Variants in SNCAIP observed in about 807,000 individuals in gnomAD.
SNCAIP encodes the protein synphilin-1.
A neutral mutation model predicts 86.7 loss-of-function variants in SNCAIP; 43 were observed. The observed-to-expected ratio is 0.50, with a 90% confidence interval of 0.39 to 0.64. The LOEUF (loss-of-function observed/expected upper bound fraction) is 0.64. Among genes scored for constraint, SNCAIP ranks in the 30% least tolerant of loss-of-function variants. The pLI is 0.00. For missense variants in SNCAIP, 981 were observed against 1,103.1 expected, an observed-to-expected ratio of 0.89 and a Z score of 1.57; for synonymous variants, 417 against 427.2, an observed-to-expected ratio of 0.98 and a Z score of 0.29.
intron 3 of SNCAIP, among the ~76,000 whole-genome samples, chr5:122,416,803 C>T (rs200345193): frequency 6.6e-6 from 1 of 152,120 alleles, no homozygotes; most frequent in East Asian, 1.9e-4. Flanking sequence ...TCATAATGCC[C>T]CTCCTTTTGC....
At chr5:122,432,448 C>T (rs907526091) in intron 6 of SNCAIP, among the ~76,000 whole-genome samples, 14 of 152,182 alleles carry the variant, frequency 9.2e-5, no homozygotes, top group South Asian at 6.2e-4. Flanking sequence ...AAAATTATGT[C>T]ACAACATGTT....
At chr5:122,400,884 A>G in intron 2 of SNCAIP, 1 of 1,204,010 alleles carries the variant, frequency 8.3e-7, no homozygotes, top group Admixed American at 3.2e-5. Context: ...TTCACTGGGA[A>G]TAACCTCTGG....
chr5:122,399,303 T>C (rs1408672780), intron 2 of SNCAIP, among the ~76,000 whole-genome samples: 1 of 152,140 alleles, frequency 6.6e-6, no homozygotes, highest in East Asian at 1.9e-4. Context: ...TATAATTATC[T>C]GTCTTCCACA....
intron 1 of SNCAIP, among the ~76,000 whole-genome samples, chr5:122,358,833 C>A (rs371285060): frequency 6.6e-6 from 1 of 152,130 alleles, no homozygotes; most frequent in Non-Finnish European, 1.5e-5. Flanking sequence ...AGCACCCTCT[C>A]GCTTGCTTCA....
intron 1 of SNCAIP, among the ~76,000 whole-genome samples, chr5:122,383,290 AG>A (rs1385468943): frequency 1.2e-4 from 18 of 152,292 alleles, no homozygotes; most frequent in African/African-American, 4.3e-4. Flanking sequence ...TTCGGGTGGG[AG>A]TGACCCGATT....
At chr5:122,361,285 T>C (rs746210752) in intron 1 of SNCAIP, among the ~76,000 whole-genome samples, 2 of 152,162 alleles carry the variant, frequency 1.3e-5, no homozygotes, top group Non-Finnish European at 2.9e-5. Flanking sequence ...CACCTCCATC[T>C]TTGCTGATAT....
intron 1 of SNCAIP, among the ~76,000 whole-genome samples, chr5:122,333,861 G>A (rs1014425197): frequency 2.1e-4 from 32 of 152,288 alleles, no homozygotes; most frequent in African/African-American, 5.8e-4. Context: ...TACCTTTTAC[G>A]TGTTAACATG....
chr5:122,313,946 A>G (rs1233478936), intron 1 of SNCAIP, among the ~76,000 whole-genome samples: 1 of 152,222 alleles, frequency 6.6e-6, no homozygotes, highest in African/African-American at 2.4e-5. Flanking sequence ...AAGGGGTATA[A>G]TTTTGAATGT....
intron 10 of SNCAIP, among the ~76,000 whole-genome samples, chr5:122,457,953 G>T (rs1785181561): frequency 6.6e-6 from 1 of 152,164 alleles, no homozygotes; most frequent in Admixed American, 6.5e-5. Context: ...CATCTTCCCA[G>T]TGTCTAAGCA....
chr5:122,373,324 A>C (rs533029708), intron 1 of SNCAIP, among the ~76,000 whole-genome samples: 4 of 152,242 alleles, frequency 2.6e-5, no homozygotes, highest in African/African-American at 7.2e-5. Context: ...GCATCTCATC[A>C]CTGGAGCAAG....
chr5:122,461,607 TATAATA>T (rs1314026493), intron 10 of SNCAIP, among the ~76,000 whole-genome samples: 1 of 152,000 alleles, frequency 6.6e-6, no homozygotes, highest in African/African-American at 2.4e-5. Context: ...TTATTTCTGT[TATAATA>T]ATATTAATTT....
At chr5:122,385,241 G>T (rs1172218767) in intron 1 of SNCAIP, among the ~76,000 whole-genome samples, 1 of 152,194 alleles carries the variant, frequency 6.6e-6, no homozygotes, top group Non-Finnish European at 1.5e-5. Flanking sequence ...GGAAACTAGT[G>T]TAGGTCTTAT....
intron 4 of SNCAIP, among the ~76,000 whole-genome samples, chr5:122,425,103 GA>G (rs1448996663): frequency 2.0e-5 from 3 of 152,210 alleles, no homozygotes; most frequent in Admixed American, 2.0e-4. Context: ...AAGCCAACTT[GA>G]AGCCTCCACA....
intron 6 of SNCAIP, among the ~76,000 whole-genome samples, chr5:122,434,738 A>T (rs1417972538): frequency 6.6e-6 from 1 of 152,164 alleles, no homozygotes; most frequent in Non-Finnish European, 1.5e-5. Context: ...CGCCACAGCC[A>T]CTTATGTAAC....
At chr5:122,371,136 A>G (rs1229298476) in intron 1 of SNCAIP, among the ~76,000 whole-genome samples, 1 of 152,034 alleles carries the variant, frequency 6.6e-6, no homozygotes, top group African/African-American at 2.4e-5. Context: ...CAACATAGTG[A>G]GACACTGTCT....
intron 2 of SNCAIP, among the ~76,000 whole-genome samples, chr5:122,398,265 T>C (rs1472010235): frequency 2.0e-5 from 3 of 151,870 alleles, no homozygotes; most frequent in African/African-American, 7.3e-5. Context: ...GAGGAAAGAA[T>C]GGTGGCAGGC....
At chr5:122,416,775 A>G (rs937679701) in intron 3 of SNCAIP, among the ~76,000 whole-genome samples, 2 of 152,208 alleles carry the variant, frequency 1.3e-5, no homozygotes, top group African/African-American at 4.8e-5. Context: ...TGACTCTAGC[A>G]TTAATACTCC....
intron 1 of SNCAIP, among the ~76,000 whole-genome samples, chr5:122,390,796 T>C (rs1014657992): frequency 6.6e-6 from 1 of 152,158 alleles, no homozygotes; most frequent in Non-Finnish European, 1.5e-5. Flanking sequence ...ATATTGATTC[T>C]AGGGGGAGAT....
At chr5:122,361,123 A>G (rs190912849) in intron 1 of SNCAIP, among the ~76,000 whole-genome samples, 1 of 151,448 alleles carries the variant, frequency 6.6e-6, no homozygotes, top group Admixed American at 6.6e-5. Context: ...ATTACATTAC[A>G]TCCTTTATTT....
Sources: gnomAD v4.1 joint callset for allele counts (sites outside exome capture counted in the v4.1 genomes callset) on GRCh38, gnomAD v4.1.1 for gene constraint, MANE v1.5 for transcripts, NCBI Gene and HGNC (gene_info 2026-07-23, HGNC 2026-07-21) for gene names.